STAU1: variants seen among roughly 807,000 people sequenced by gnomAD.
The protein encoded by STAU1 is staufen double-stranded RNA binding protein 1, also known as double-stranded RNA-binding protein Staufen homolog 1.
A neutral mutation model predicts 62.9 loss-of-function variants in STAU1; 13 were observed. The ratio of observed to expected loss-of-function variants is 0.21; its 90% CI spans 0.13 to 0.33. STAU1 has a LOEUF of 0.33. Ranked by LOEUF, STAU1 falls within the 10% of genes least tolerant of loss-of-function variation. STAU1 has a pLI of 1.00. For synonymous variants in STAU1, 269 were observed against 265.1 expected, an observed-to-expected ratio of 1.01 and a Z score of -0.14; for missense variants, 571 against 712.1, an observed-to-expected ratio of 0.80 and a Z score of 2.25.
the STAU1 span, among the ~76,000 whole-genome samples, chr20:49,216,646 C>T: frequency 2.0e-5 from 3 of 152,212 alleles, no homozygotes; most frequent in East Asian, 5.8e-4. Context: ...GTGAAACCCC[C>T]AAAGAGAAAA....
chr20:49,168,492 C>T (rs1250229917), intron 2 of STAU1, among the ~76,000 whole-genome samples: 1 of 151,810 alleles, frequency 6.6e-6, no homozygotes, highest in African/African-American at 2.4e-5. Flanking sequence ...GACTTAACAT[C>T]TAACAGTTGG....
the STAU1 span, chr20:49,219,178 T>C: frequency 3.3e-6 from 2 of 615,098 alleles, no homozygotes; most frequent in Non-Finnish European, 5.8e-6. Flanking sequence ...CTCTCACCCT[T>C]CCACCCTCCT....
In STAU1 at chr20:49,147,365, T is replaced by C. The variant is rs557931659; in HGVS notation, c.510+4217A>G. On this transcript the variant is annotated intron_variant, in intron 5 of 13. Transcript: ENST00000371856. ...GAGGGCCCAGACTATGCCTGCCCTG[T>C]AGACAGCAAGCGCTGGCTTTACTGC... Among the ~76,000 whole-genome samples, 54 of 152,348 alleles carry C rather than the reference T, an allele frequency of 3.5e-4. 3 individuals carry two copies. The South Asian group carries it at 0.01, about 29-fold the overall frequency.
upstream of STAU1, among the ~76,000 whole-genome samples, chr20:49,192,126 C>A (rs2146673229): frequency 1.3e-5 from 2 of 151,568 alleles, no homozygotes; most frequent in Non-Finnish European, 2.9e-5. Context: ...GAGGGCAGAT[C>A]ATGAGGTCAG....
At chr20:49,125,172 G>C (rs1243153485) in intron 6 of STAU1, among the ~76,000 whole-genome samples, 1 of 67,246 alleles carries the variant, frequency 1.5e-5, no homozygotes, top group Non-Finnish European at 2.7e-5. Context: ...TATATAAACA[G>C]ACACACATTT....
At chr20:49,199,472 G>A in the STAU1 span, among the ~76,000 whole-genome samples, 7 of 151,184 alleles carry the variant, frequency 4.6e-5, no homozygotes, top group South Asian at 4.2e-4. Flanking sequence ...CTTGTGATCC[G>A]CCCACCTCGG....
chr20:49,177,709 T>C (rs2093676913), intron 1 of STAU1, among the ~76,000 whole-genome samples: 1 of 150,272 alleles, frequency 6.7e-6, no homozygotes, highest in Admixed American at 6.6e-5. Context: ...AAAACACACA[T>C]AAAAAAAGCT....
At position 49,117,752 on chromosome 20, in the gene STAU1, A is replaced by T; in HGVS notation, c.1509+25T>A. 3 of 1,579,584 alleles carry T rather than the reference A, an allele frequency of 1.9e-6. No individual in the cohort carries two copies. In the East Asian group the frequency reaches 6.7e-5, roughly 35 times the overall value. On this transcript the variant is annotated intron_variant, in intron 11 of 13. Transcript: ENST00000371856. This position sits in a 1 kb window ranked among gnomAD's most constrained non-coding sequence, Gnocchi z 4.6. ...AAGATGACTGTCCTGAGGCACAGCC[A>T]TCACAGCTCAGGCCAGACAGTTACC...
chr20:49,132,139 C>T (rs1043881603), intron 6 of STAU1, among the ~76,000 whole-genome samples: 6 of 151,836 alleles, frequency 4.0e-5, no homozygotes, highest in Admixed American at 2.6e-4. Context: ...CTTAGGCACC[C>T]GTGGACTGAT....
intron 1 of STAU1, among the ~76,000 whole-genome samples, chr20:49,174,821 C>T (rs1014016244): frequency 1.3e-5 from 2 of 151,750 alleles, no homozygotes; most frequent in African/African-American, 4.8e-5. Flanking sequence ...CCTGTAGTCC[C>T]AGCTACTTGG....
At chr20:49,129,630 CTTTTTT>C (rs558925613) in intron 6 of STAU1, among the ~76,000 whole-genome samples, 2 of 96,656 alleles carry the variant, frequency 2.1e-5, no homozygotes, top group Non-Finnish European at 3.9e-5. Context: ...AGTTTGGCAA[CTTTTTT>C]TTTTTTTTTT....
chr20:49,156,163 C>A (rs2093353746), intron 3 of STAU1, among the ~76,000 whole-genome samples: 1 of 152,164 alleles, frequency 6.6e-6, no homozygotes, highest in Non-Finnish European at 1.5e-5. Context: ...AAATTACAAT[C>A]AATATTACCA....
Position 49,117,792 on chromosome 20 carries a change from T to C in STAU1, c.1494A>G (p.Arg498=). The C allele has an allele frequency of 1.2e-6, 2 of 1,611,380 alleles. No individual in the cohort carries two copies. Among genetic ancestry groups the C allele is most frequent in the Non-Finnish European group, 1.7e-6 (2 of 1,178,356 alleles). Residue 498 remains arginine (R), a synonymous_variant, in exon 11 of 14, where the codon AGA becomes AGG. Coordinates refer to ENST00000371856, the MANE Select transcript of STAU1 (RefSeq NM_017453.4). This position sits in a 1 kb window ranked among gnomAD's most constrained non-coding sequence, Gnocchi z 4.6. ...RPSEQLDYLS[R]VQGFQVEYKD... is the part of the protein sequence containing the mutation. ...AGACAGTTACCTGGAATCCCTGGAC[T>C]CTGGAAAGATAGTCCAGTTGCTCAG... is the stretch of plus-strand genomic sequence containing the variant.
At chr20:49,154,207 T>C (rs2093318458) in intron 3 of STAU1, 136 bp from the exon 4 acceptor site, 1 of 816,330 alleles carries the variant, frequency 1.2e-6, no homozygotes, top group African/African-American at 1.7e-5. Context: ...GGCTCACTGC[T>C]AGGCATCAGA....
At chr20:49,146,916 T>C (rs1273485006) in intron 5 of STAU1, among the ~76,000 whole-genome samples, 1 of 152,096 alleles carries the variant, frequency 6.6e-6, no homozygotes, top group East Asian at 1.9e-4. Context: ...CCCGTTTTTC[T>C]CTATTACAGA....
intron 4 of STAU1, among the ~76,000 whole-genome samples, chr20:49,152,622 G>A (rs1396634461): frequency 6.6e-6 from 1 of 152,058 alleles, no homozygotes. Context: ...TTACAGGCGT[G>A]AGCCACCACA....
At chr20:49,171,640 G>A (rs573980060) in intron 2 of STAU1, among the ~76,000 whole-genome samples, 1 of 152,068 alleles carries the variant, frequency 6.6e-6, no homozygotes, top group South Asian at 2.1e-4. Flanking sequence ...GCTGCAATAT[G>A]GTTGAATGTT....
rs2092871485 is a variant in STAU1 at position 49,135,872 on chromosome 20, A to G, written c.570T>C (p.Phe190=). Residue 190 remains phenylalanine (F), a synonymous_variant, in exon 6 of 14, where the codon TTT becomes TTC. Transcript: ENST00000371856. ...GCAAGTTCCGTTTAAGTGCAATCTCAAACACTTGACTTATTTCAGATTTAT... is the reference window on the plus strand; with the variant it reads ...GCAAGTTCCGTTTAAGTGCAATCTCGAACACTTGACTTATTTCAGATTTAT... ...NLNKSEISQV[F]EIALKRNLPV... is the part of the protein sequence containing the mutation. The G allele has an allele frequency of 1.9e-6, 3 of 1,613,462 alleles. No individual in the cohort carries two copies. The highest frequency in any genetic ancestry group is 1.3e-5 in the African/African-American group (1 of 74,928).
chr20:49,123,035 GC>G lies in STAU1; in HGVS notation c.966+56del. On this transcript the variant is annotated intron_variant, in intron 8 of 13. Transcript: ENST00000371856. ...GTGTCCAGACCTTGAACCGCCATCA[GC>G]CCCCAAGGCTGGACGTGGTCAGAGG... 2.7e-6 allele frequency: 4 copies of G among 1,500,800 alleles called. No homozygotes were observed. The East Asian group carries it at 9.6e-5, about 36-fold the overall frequency. The allele number at this position is 1,500,800 out of a possible 1,614,324, so 93.0% of individuals were successfully genotyped here. A position where few individuals can be genotyped will look rare whatever the true frequency, so the allele number is the denominator to read the frequency against.
Sources: gnomAD v4.1 joint callset for allele counts (sites outside exome capture counted in the v4.1 genomes callset) on GRCh38, gnomAD v4.1.1 for gene constraint, Gnocchi (gnomAD v3.1) non-coding constraint, MANE v1.5 for transcripts, NCBI Gene and HGNC (gene_info 2026-07-23, HGNC 2026-07-21) for gene names.